DGKK: variants seen among roughly 807,000 people sequenced by gnomAD.
DGKK encodes the protein diacylglycerol kinase kappa, also known as 142 kDa diacylglycerol kinase.
A neutral mutation model predicts 92.2 loss-of-function variants in DGKK; 35 were observed. The observed-to-expected ratio is 0.38, with a 90% CI of 0.29 to 0.50. The LOEUF is 0.50. DGKK is among the 20% of genes least tolerant of loss of function. The pLI is 0.92. For missense variants in DGKK, 910 were observed against 992.2 expected, an observed-to-expected ratio of 0.92 and a Z score of 1.11; for synonymous variants, 368 against 360.6, an observed-to-expected ratio of 1.02 and a Z score of -0.23.
In DGKK at chrX:50,404,158, A is replaced by G. The variant is rs782747942; in HGVS notation, c.969T>C (p.Phe323=). The G allele has an allele frequency of 1.6e-5, 19 of 1,207,082 alleles. No individual in the cohort carries two copies. The highest frequency in any genetic ancestry group is 1.4e-4 in the African/African-American group (8 of 56,923). ...AGTACCAACAATGCATTCCAACAAGAAAAGGGTTGTTTTCTGCTGCAGGTA... is the reference window on the plus strand; with the variant it reads ...AGTACCAACAATGCATTCCAACAAGGAAAGGGTTGTTTTCTGCTGCAGGTA... ...YKIPAAENNP[F]LVGMHCWYSS... is the part of the protein sequence containing the mutation. The change falls in exon 5 of 28, where the codon TTT becomes TTC. Residue 323 remains phenylalanine (F), a synonymous_variant. Transcript: ENST00000611977.
chrX:50,390,260 T>C lies in DGKK; in HGVS notation c.1926+68A>G. 3 of 1,048,415 alleles carry C rather than the reference T, an allele frequency of 2.9e-6. No individual in the cohort carries two copies. The South Asian group carries it at 5.7e-5, about 20-fold the overall frequency. The allele number at this position is 1,048,415 out of a possible 1,213,427, so 86.4% of individuals were successfully genotyped here. ...CATGCACAATGCAAAAGCTTCTCTC[T>C]GGGTTTTGCCAATTATTTCACTGAG... On this transcript the variant is annotated intron_variant, in intron 12 of 27. Coordinates refer to ENST00000611977, the MANE Select transcript of DGKK (RefSeq NM_001013742.4).
At chrX:50,378,430 C>T (rs1363828585) in intron 21 of DGKK, 148 bp downstream of exon 21, 7 of 735,830 alleles carry the variant, frequency 9.5e-6, no homozygotes, top group Non-Finnish European at 1.4e-5. Flanking sequence ...CTGCCTCCAA[C>T]CTCAGTCAGC....
At chrX:50,465,107 C>T (rs1926860038) in intron 1 of DGKK, among the ~76,000 whole-genome samples, 1 of 111,689 alleles carries the variant, frequency 9.0e-6, no homozygotes, top group African/African-American at 3.3e-5. Context: ...GCCATGAAGT[C>T]AAATAAAGTT....
intron 4 of DGKK, among the ~76,000 whole-genome samples, chrX:50,405,102 A>G (rs1925115063): frequency 8.9e-6 from 1 of 112,268 alleles, no homozygotes; most frequent in Non-Finnish European, 1.9e-5. Context: ...TTTTCAAAGC[A>G]TTTGAGATAT....
chrX:50,371,464 C>T (rs1557223161), intron 26 of DGKK, among the ~76,000 whole-genome samples: 2 of 112,040 alleles, frequency 1.8e-5, no homozygotes. Context: ...TTGATCATCT[C>T]TTGTTACAGA....
chrX:50,423,646 C>T (rs1311422163), intron 2 of DGKK, among the ~76,000 whole-genome samples: 2 of 111,542 alleles, frequency 1.8e-5, no homozygotes, highest in Non-Finnish European at 3.8e-5. Context: ...AACAGTTGAG[C>T]TAGTTTTGTG....
rs1021001166 is a variant in DGKK at position 50,374,420 on chromosome X, G to A, written c.3501+551C>T. On this transcript the variant is annotated intron_variant, in intron 25 of 27. Transcript: ENST00000611977. ...GAGAGGATGGCCCTGCTGACACCTT[G>A]ATTTGGACTTCTAGCTTCCAGAATT... Among the ~76,000 whole-genome samples, 4 of 111,871 alleles carry A rather than the reference G, an allele frequency of 3.6e-5. No individual in the cohort carries two copies. The Admixed American group carries it at 3.8e-4, about 11-fold the overall frequency.
chrX:50,421,417 T>C (rs1427896862), intron 3 of DGKK, among the ~76,000 whole-genome samples: 1 of 112,053 alleles, frequency 8.9e-6, no homozygotes, highest in African/African-American at 3.2e-5. Context: ...ATGTGGTCGA[T>C]GGAAATAGGA....
At chrX:50,446,548 T>A (rs1926311295) in intron 1 of DGKK, among the ~76,000 whole-genome samples, 2 of 111,703 alleles carry the variant, frequency 1.8e-5, no homozygotes, top group Non-Finnish European at 3.8e-5. Context: ...CTGTGTGCCT[T>A]TTGTCTCTTT....
Position 50,403,071 on chromosome X carries a change from C to T in DGKK, c.1298G>A (p.Cys433Tyr). ...QRLQDFRCLW[C>Y]NSTVHDDCRR... Reference sequence around the variant, plus strand: ...TGAGAAGAGTCTTACCGTAGAATTACACCACAGGCAGCGGAAGTCTTGAAG... The same window carrying T: ...TGAGAAGAGTCTTACCGTAGAATTATACCACAGGCAGCGGAAGTCTTGAAG... The change falls in exon 7 of 28, where the codon TGT (cysteine) becomes TAT (tyrosine). Residue 433 changes from cysteine (C) to tyrosine (Y), a missense_variant. Cys to Tyr is a radical substitution (Grantham distance 194). Transcript: ENST00000611977. The T allele has an allele frequency of 8.3e-7, 1 of 1,210,717 alleles. No individual in the cohort carries two copies. The highest frequency in any genetic ancestry group is 3.0e-5 in the East Asian group (1 of 33,842).
rs1447274422 is a variant in DGKK at position 50,470,538 on chromosome X, G to C, written c.141C>G (p.Ser47=). ...CTGGTATGGGTTCTGGCGAAGCCTC[G>C]GAGAGCAGCGGCGGAGCCGGCGGCG... ...PAPPPAPPLL[S]EASPEPIPEP... is the part of the protein sequence containing the mutation. The change falls in exon 1 of 28, where the codon TCC becomes TCG. Residue 47 remains serine (S), a synonymous_variant. Transcript: ENST00000611977. 8.3e-7 allele frequency: 1 copy of C among 1,208,945 alleles called. No homozygotes were observed. The highest frequency in any genetic ancestry group is 1.7e-5 in the African/African-American group (1 of 57,707).
chrX:50,431,075 A>T (rs967991547), intron 1 of DGKK, among the ~76,000 whole-genome samples: 2 of 110,453 alleles, frequency 1.8e-5, no homozygotes, highest in African/African-American at 6.6e-5. Context: ...TCTGTCACCC[A>T]GGCTGAAGTG....
chrX:50,412,348 T>A (rs1925324645), intron 4 of DGKK, among the ~76,000 whole-genome samples: 2 of 112,244 alleles, frequency 1.8e-5, no homozygotes, highest in South Asian at 7.3e-4. Flanking sequence ...TGTTCATGGA[T>A]TGGAAGAATT....
chrX:50,441,468 A>G (rs562308687), intron 1 of DGKK, among the ~76,000 whole-genome samples: 1 of 111,925 alleles, frequency 8.9e-6, no homozygotes, highest in Non-Finnish European at 1.9e-5. Context: ...GAGAAGCAGT[A>G]GTTAAAGGAA....
intron 4 of DGKK, among the ~76,000 whole-genome samples, chrX:50,404,719 C>T (rs1925105959): frequency 9.0e-6 from 1 of 110,967 alleles, no homozygotes; most frequent in South Asian, 3.9e-4. Flanking sequence ...GAGTAATGAT[C>T]TTTATACTGC....
rs781809441 is a variant in DGKK at position 50,370,502 on chromosome X, C to A, written c.3660G>T (p.Lys1220Asn). 63 of 1,194,389 alleles carry A rather than the reference C, an allele frequency of 5.3e-5. No individual in the cohort carries two copies. In the South Asian group the frequency reaches 1.1e-3, roughly 21 times the overall value. Residue 1220 changes from lysine to asparagine, a missense_variant, in exon 27 of 28, where the codon AAG becomes AAT. Coordinates refer to ENST00000611977, the MANE Select transcript of DGKK (RefSeq NM_001013742.4). ...TDSRSLRLKI[K>N]FPKLGKKKVE... ...CCTTTTTCTTTCCCAATTTGGGGAACTTAATTTTCAGCCTGAGGCTTCTAC... is the reference window on the plus strand; with the variant it reads ...CCTTTTTCTTTCCCAATTTGGGGAAATTAATTTTCAGCCTGAGGCTTCTAC...
At chrX:50,400,476 T>C (rs1304949008) in intron 8 of DGKK, among the ~76,000 whole-genome samples, 1 of 112,341 alleles carries the variant, frequency 8.9e-6, no homozygotes, top group Non-Finnish European at 1.9e-5. Flanking sequence ...TGTTAATTGT[T>C]GTATTATATC....
chrX:50,402,747 G>A (rs1390666415), intron 7 of DGKK, among the ~76,000 whole-genome samples: 1 of 111,733 alleles, frequency 8.9e-6, no homozygotes, highest in Non-Finnish European at 1.9e-5. Context: ...AAGGGAGTAG[G>A]TTTCTCAAAG....
At chrX:50,445,713 G>A (rs1368434228) in intron 1 of DGKK, among the ~76,000 whole-genome samples, 7 of 111,194 alleles carry the variant, frequency 6.3e-5, no homozygotes, top group African/African-American at 2.3e-4. Flanking sequence ...GTCGAGTAAC[G>A]TGATGTCTCC....
Sources: allele counts gnomAD v4.1 joint callset (sites outside exome capture counted in the v4.1 genomes callset), GRCh38; gene constraint gnomAD v4.1.1; transcripts MANE v1.5; gene names NCBI Gene and HGNC (gene_info 2026-07-23, HGNC 2026-07-21).